Variants in BEND6 observed in about 807,000 individuals in gnomAD.
BEND6 encodes the protein BEN domain-containing protein 6.
A neutral mutation model predicts 31.8 loss-of-function variants in BEND6; 24 were observed. That is an observed-to-expected ratio of 0.75 (90% CI 0.55 to 1.06). BEND6 has a LOEUF of 1.06. Among genes scored for constraint, BEND6 ranks in the 50% least tolerant of loss-of-function variants. The pLI, the probability that BEND6 is intolerant of heterozygous loss-of-function variation, is 0.00. For missense variants in BEND6, 294 were observed against 327.4 expected (o/e 0.90, Z 0.79); for synonymous variants, 109 against 114.6 (o/e 0.95, Z 0.31).
chr6:57,026,518 C>T lies in BEND6; in HGVS notation c.*446C>T, dbSNP rs1404517489. ...CCCATTATAGTTTTTGGATCTTTAG[C>T]ATAAGCACATGCTTGCAAAAGTAAA... On this transcript the variant is annotated 3_prime_UTR_variant, in exon 7 of 7. Coordinates refer to ENST00000370746, the MANE Select transcript of BEND6 (RefSeq NM_152731.3). The T allele has an allele frequency of 6.6e-6, 1 of 152,154 alleles. No individual in the cohort carries two copies. The highest frequency in any genetic ancestry group is 1.5e-5 in the Non-Finnish European group (1 of 68,042). 9.4% of individuals were successfully genotyped at this position (152,154 alleles called of 1,614,324 possible).
chr6:57,003,671 C>T (rs774417185), intron 3 of BEND6, among the ~76,000 whole-genome samples: 1 of 152,144 alleles, frequency 6.6e-6, no homozygotes, highest in Non-Finnish European at 1.5e-5. Flanking sequence ...TCCTCTCCAG[C>T]TCATTCCACA....
At chr6:57,011,575 G>C (rs1312222880) in intron 3 of BEND6, among the ~76,000 whole-genome samples, 1 of 151,006 alleles carries the variant, frequency 6.6e-6, no homozygotes, top group Non-Finnish European at 1.5e-5. Context: ...AATATTAGCC[G>C]GGCACAGTGG....
intron 2 of BEND6, among the ~76,000 whole-genome samples, chr6:56,985,532 G>A (rs1826229683): frequency 6.6e-6 from 1 of 152,126 alleles, no homozygotes; most frequent in South Asian, 2.1e-4. Context: ...GCAGAAGAAG[G>A]CATGCTTGTT....
rs1188911607 is a variant in BEND6 at position 57,027,030 on chromosome 6, C to T, written c.*958C>T. 4 of 152,308 alleles carry T rather than the reference C, an allele frequency of 2.6e-5. No homozygotes were observed. Among genetic ancestry groups the T allele is most frequent in the Non-Finnish European group, 4.4e-5 (3 of 68,014 alleles). 9.4% of individuals were successfully genotyped at this position (152,308 alleles called of 1,614,324 possible). A position where few individuals can be genotyped will look rare whatever the true frequency, so the allele number is the denominator to read the frequency against. On this transcript the variant is annotated 3_prime_UTR_variant, in exon 7 of 7. Transcript: ENST00000370746. Reference sequence around the variant, plus strand: ...AAAATATGGGTTTGATAATCACACACATGAAAGTACCATTTTGTAACTCAA... The same window carrying T: ...AAAATATGGGTTTGATAATCACACATATGAAAGTACCATTTTGTAACTCAA...
At chr6:57,018,880 A>C (rs1450652378) in intron 6 of BEND6, among the ~76,000 whole-genome samples, 1 of 152,210 alleles carries the variant, frequency 6.6e-6, no homozygotes, top group East Asian at 1.9e-4. Flanking sequence ...TTTTTCACAG[A>C]ATCCTGTTAA....
At chr6:56,968,355 C>G (rs1825564833) in intron 1 of BEND6, among the ~76,000 whole-genome samples, 1 of 108,226 alleles carries the variant, frequency 9.2e-6, no homozygotes, top group Non-Finnish European at 1.7e-5. Flanking sequence ...GGGTCTCACT[C>G]TGTCACCCAG....
chr6:56,970,106 G>A (rs1296208303), intron 1 of BEND6, among the ~76,000 whole-genome samples: 2 of 152,052 alleles, frequency 1.3e-5, no homozygotes, highest in African/African-American at 4.8e-5. Context: ...TTGCATGTGT[G>A]TGTGTATTTT....
intron 1 of BEND6, among the ~76,000 whole-genome samples, chr6:56,960,698 A>G (rs748967530): frequency 1.3e-5 from 2 of 152,144 alleles, no homozygotes; most frequent in African/African-American, 4.8e-5. Flanking sequence ...GGAGAGCAGA[A>G]GTACTAAATG....
chr6:57,007,595 G>A (rs1461197461), intron 3 of BEND6, among the ~76,000 whole-genome samples: 1 of 151,948 alleles, frequency 6.6e-6, no homozygotes, highest in African/African-American at 2.4e-5. Context: ...AGACCAGCAT[G>A]GGCAACATAG....
rs1562557910 is a variant in BEND6, at chr6:57,015,026, A to AC, written c.299-107_299-106insC. 173 of 795,194 alleles carry AC rather than the reference A, an allele frequency of 2.2e-4. No homozygotes were observed. The African/African-American group carries it at 2.7e-3, about 12-fold the overall frequency. The allele number at this position is 795,194 out of a possible 1,614,324, so 49.3% of individuals were successfully genotyped here. A position where few individuals can be genotyped will look rare whatever the true frequency, so the allele number is the denominator to read the frequency against. ...TTATTTTCCAAAGATAGCAAATGTT[A>AC]AGTTTGTTCTGCATATTTCTATGCA... On this transcript the variant is annotated intron_variant, in intron 3 of 6. Coordinates refer to ENST00000370746, the MANE Select transcript of BEND6 (RefSeq NM_152731.3).
In BEND6 at chr6:57,026,484, C is replaced by T. The variant is rs374117981; in HGVS notation, c.*412C>T. ...CCAATCATTGTACATTGATTATTAC[C>T]AGTGACTTCCCATTATAGTTTTTGG... On this transcript the variant is annotated 3_prime_UTR_variant, in exon 7 of 7. Transcript: ENST00000370746. The T allele has an allele frequency of 5.3e-5, 8 of 152,166 alleles. No individual in the cohort carries two copies. Among genetic ancestry groups the T allele is most frequent in the African/African-American group, 1.9e-4 (8 of 41,442 alleles). The allele number at this position is 152,166 out of a possible 1,614,324, so 9.4% of individuals were successfully genotyped here. A position where few individuals can be genotyped will look rare whatever the true frequency, so the allele number is the denominator to read the frequency against.
rs370151613 is a variant in BEND6 at position 57,016,844 on chromosome 6, A to G, written c.520-363A>G. Among the ~76,000 whole-genome samples, 3 of 152,314 alleles carry G rather than the reference A, an allele frequency of 2.0e-5. No homozygotes were observed. In the East Asian group the frequency reaches 5.8e-4, roughly 29 times the overall value. Reference sequence around the variant, plus strand: ...TGTGAGGCAACGTGTTATAGGTTTCAGGGATTAGGATGTGACCTTTCAGAG... The same window carrying G: ...TGTGAGGCAACGTGTTATAGGTTTCGGGGATTAGGATGTGACCTTTCAGAG... On this transcript the variant is annotated intron_variant, in intron 4 of 6. Transcript: ENST00000370746.
Position 56,981,906 on chromosome 6 carries a change from A to C in BEND6, c.96A>C (p.Ala32=). ...CAGAGACAATGGACTCAGAAAATGC[A>C]AATAGTGACATGGATAAAGGACAGG... ...KRTETMDSEN[A]NSDMDKGQRD... Residue 32 remains alanine, a synonymous_variant, in exon 2 of 7, where the codon GCA becomes GCC. Transcript: ENST00000370746. 7.4e-6 allele frequency: 12 copies of C among 1,612,340 alleles called. No individual in the cohort carries two copies. Among genetic ancestry groups the C allele is most frequent in the Non-Finnish European group, 1.0e-5 (12 of 1,179,232 alleles).
At chr6:57,012,497 G>A (rs1827381115) in intron 3 of BEND6, among the ~76,000 whole-genome samples, 1 of 152,156 alleles carries the variant, frequency 6.6e-6, no homozygotes, top group African/African-American at 2.4e-5. Context: ...TGTTTTAAAT[G>A]GGCGCACCCA....
Position 56,964,689 on chromosome 6 carries a change from C to T in BEND6, c.-101+9229C>T, listed in dbSNP as rs1006032660. 5.3e-5 allele frequency among the ~76,000 whole-genome samples: 8 copies of T among 152,142 alleles called. No homozygotes were observed. In the East Asian group the frequency reaches 5.8e-4, roughly 11 times the overall value. On this transcript the variant is annotated intron_variant, in intron 1 of 6. Coordinates refer to ENST00000370746, the MANE Select transcript of BEND6 (RefSeq NM_152731.3). Reference sequence around the variant, plus strand: ...GCTAATTTATTTTATTTTTAGTAGACGAAGTCTCATTATGTTACTCAGGCT... The same window carrying T: ...GCTAATTTATTTTATTTTTAGTAGATGAAGTCTCATTATGTTACTCAGGCT...
At chr6:56,969,864 C>T (rs1825627749) in intron 1 of BEND6, among the ~76,000 whole-genome samples, 1 of 151,930 alleles carries the variant, frequency 6.6e-6, no homozygotes, top group African/African-American at 2.4e-5. Context: ...ACAAAACTCC[C>T]CTTTTTCTAC....
Position 57,027,182 on chromosome 6 carries a change from A to G in BEND6, c.*1110A>G, listed in dbSNP as rs1827929840. ...GTCATGTTTAAACTTGGAAAAGAGG[A>G]TGCTACAGTAGTTTCAAAGTTCAGT... is the stretch of plus-strand genomic sequence containing the variant. On this transcript the variant is annotated 3_prime_UTR_variant, in exon 7 of 7. Coordinates refer to ENST00000370746, the MANE Select transcript of BEND6 (RefSeq NM_152731.3). 6.6e-6 allele frequency: 1 copy of G among 152,232 alleles called. No individual in the cohort carries two copies. The allele number at this position is 152,232 out of a possible 1,614,324, so 9.4% of individuals were successfully genotyped here. A position where few individuals can be genotyped will look rare whatever the true frequency, so the allele number is the denominator to read the frequency against.
intron 1 of BEND6, among the ~76,000 whole-genome samples, chr6:56,970,844 G>A (rs952076980): frequency 5.9e-5 from 9 of 152,056 alleles, no homozygotes; most frequent in African/African-American, 1.9e-4. Flanking sequence ...AGAAACTTGA[G>A]GATTTGCTCT....
At chr6:56,970,184 C>T (rs1825641811) in intron 1 of BEND6, among the ~76,000 whole-genome samples, 2 of 151,938 alleles carry the variant, frequency 1.3e-5, no homozygotes. Flanking sequence ...TATATTATTC[C>T]TCCAACCACA....
Sources: allele counts gnomAD v4.1 joint callset (sites outside exome capture counted in the v4.1 genomes callset), GRCh38; gene constraint gnomAD v4.1.1; transcripts MANE v1.5; gene names NCBI Gene and HGNC (gene_info 2026-07-23, HGNC 2026-07-21).